Variants in DDX10 observed in about 807,000 individuals in gnomAD.
DDX10 encodes the protein DEAD-box helicase 10, also known as probable ATP-dependent RNA helicase DDX10.
DDX10 carries 74 observed loss-of-function variants against 104.3 expected under a neutral mutation model. That is an observed-to-expected ratio of 0.71 (90% confidence interval 0.59 to 0.86). The LOEUF is 0.86. DDX10 is among the 40% of genes least tolerant of loss of function. DDX10 has a pLI of 0.00. For synonymous variants in DDX10, 351 were observed against 353.4 expected (o/e 0.99, Z 0.08); for missense variants, 952 against 1,040.0 (o/e 0.92, Z 1.16).
chr11:108,868,054 G>T (rs913406035), intron 16 of DDX10, among the ~76,000 whole-genome samples: 1 of 151,958 alleles, frequency 6.6e-6, no homozygotes, highest in African/African-American at 2.4e-5. Context: ...ACTGAACCAG[G>T]TTCATTTTTC....
chr11:108,916,208 AT>A (rs1169744105), intron 16 of DDX10, among the ~76,000 whole-genome samples: 1 of 152,162 alleles, frequency 6.6e-6, no homozygotes, highest in Non-Finnish European at 1.5e-5. Flanking sequence ...CAGATAGTAC[AT>A]TCCTTTAAGG....
intron 16 of DDX10, among the ~76,000 whole-genome samples, chr11:108,877,696 A>G (rs542962972): frequency 1.3e-5 from 2 of 152,344 alleles, no homozygotes; most frequent in African/African-American, 4.8e-5. Context: ...AAACTTGTGG[A>G]TCTGAGTAGA....
chr11:108,879,658 A>C (rs1464596851), intron 16 of DDX10, among the ~76,000 whole-genome samples: 1 of 152,170 alleles, frequency 6.6e-6, no homozygotes, highest in Non-Finnish European at 1.5e-5. Flanking sequence ...TTATCAAGTT[A>C]CTTCAATAAG....
Position 108,850,698 on chromosome 11 carries a change from T to C in DDX10, c.2248-1455T>C, listed in dbSNP as rs559260078. On this transcript the variant is annotated intron_variant, in intron 15 of 17. Transcript: ENST00000322536. ...ATTGGCAACATTTGTCTAAAACATA[T>C]TGATACGGATACAAATACTATGTAC... Among the ~76,000 whole-genome samples the C allele has an allele frequency of 1.4e-4, 21 of 152,262 alleles. No homozygotes were observed. The South Asian group carries it at 4.1e-3, about 30-fold the overall frequency.
intron 13 of DDX10, among the ~76,000 whole-genome samples, chr11:108,797,488 C>T (rs1045964493): frequency 2.6e-5 from 4 of 152,102 alleles, no homozygotes; most frequent in African/African-American, 7.2e-5. Context: ...GGAATCCACA[C>T]TAAGATATAA....
At chr11:108,760,605 G>T (rs1427825393) in intron 13 of DDX10, among the ~76,000 whole-genome samples, 1 of 149,794 alleles carries the variant, frequency 6.7e-6, no homozygotes, top group African/African-American at 2.5e-5. Context: ...AATGAAATAT[G>T]TTTTTATTTG....
At position 108,805,776 on chromosome 11, in the gene DDX10, A is replaced by T. The variant is rs142553445; in HGVS notation, c.1966-32670A>T. 8.5e-3 allele frequency among the ~76,000 whole-genome samples: 1,295 copies of T among 152,246 alleles called. 20 individuals are homozygous for T. The highest frequency in any genetic ancestry group is 0.029 in the African/African-American group (1,184 of 41,522). On this transcript the variant is annotated intron_variant, in intron 13 of 17. Coordinates refer to ENST00000322536, the MANE Select transcript of DDX10 (RefSeq NM_004398.4). ...TTGATGTCAGTATGAACAACAATTGATAGATGCTTTAATTTTAAAGATTTC... is the reference window on the plus strand; with the variant it reads ...TTGATGTCAGTATGAACAACAATTGTTAGATGCTTTAATTTTAAAGATTTC...
intron 11 of DDX10, among the ~76,000 whole-genome samples, chr11:108,717,177 A>G (rs751012690): frequency 2.6e-5 from 4 of 152,172 alleles, no homozygotes; most frequent in Admixed American, 2.0e-4. Context: ...ATGAGGTGGG[A>G]GGAAGAATAT....
At chr11:108,757,322 G>A (rs556678680) in intron 13 of DDX10, among the ~76,000 whole-genome samples, 145 of 152,146 alleles carry the variant, frequency 9.5e-4, no homozygotes, top group South Asian at 1.9e-3. Flanking sequence ...TGTAACATAA[G>A]CTACACCTGT....
At chr11:108,763,312 A>G (rs2094352895) in intron 13 of DDX10, among the ~76,000 whole-genome samples, 1 of 152,188 alleles carries the variant, frequency 6.6e-6, no homozygotes, top group Non-Finnish European at 1.5e-5. Flanking sequence ...CCTGAAGGTC[A>G]TCCTCACTTG....
At chr11:108,695,540 C>A (rs1251418438) in intron 9 of DDX10, among the ~76,000 whole-genome samples, 1 of 152,078 alleles carries the variant, frequency 6.6e-6, no homozygotes, top group Non-Finnish European at 1.5e-5. Flanking sequence ...CCCTTGCTTA[C>A]CTAGGAAGTC....
chr11:108,694,764 T>A, intron 9 of DDX10, among the ~76,000 whole-genome samples: 1 of 152,034 alleles, frequency 6.6e-6, no homozygotes, highest in East Asian at 1.9e-4. Context: ...GCCTGTAGTC[T>A]CAGCTCCTTG....
rs1207807068 is a variant in DDX10, at chr11:108,723,405, G to A, written c.1908G>A (p.Leu636=). ...RDEEEEDADF[L]KVKRHNVFGL... is the part of the protein sequence containing the mutation. ...AGGAGGAAGAAGATGCTGATTTCTTGAAGGTGAAGCGGCATAATGTGTTTG... is the reference window on the plus strand; with the variant it reads ...AGGAGGAAGAAGATGCTGATTTCTTAAAGGTGAAGCGGCATAATGTGTTTG... Residue 636 remains leucine (L), a synonymous_variant, in exon 13 of 18, where the codon TTG becomes TTA. Coordinates refer to ENST00000322536, the MANE Select transcript of DDX10 (RefSeq NM_004398.4). 1.2e-6 allele frequency: 2 copies of A among 1,613,774 alleles called. No homozygotes were observed. Among genetic ancestry groups the A allele is most frequent in the Non-Finnish European group, 1.7e-6 (2 of 1,179,866 alleles).
chr11:108,776,885 A>G (rs2094370631), intron 13 of DDX10, among the ~76,000 whole-genome samples: 1 of 152,224 alleles, frequency 6.6e-6, no homozygotes, highest in Non-Finnish European at 1.5e-5. Context: ...TTTGCCAACA[A>G]CCTGAATGAG....
In DDX10 at chr11:108,723,184, G is replaced by A. The variant is rs754325639; in HGVS notation, c.1687G>A (p.Gly563Arg). The A allele has an allele frequency of 1.2e-6, 2 of 1,613,710 alleles. No individual in the cohort carries two copies. The highest frequency in any genetic ancestry group is 8.5e-7 in the Non-Finnish European group (1 of 1,179,864). The change falls in exon 13 of 18, where the codon GGA (glycine) becomes AGA (arginine). Residue 563 changes from glycine to arginine, a missense_variant. By Grantham distance (125) the Gly-to-Arg change is moderately radical. Around this residue, in one of 3 missense-constraint regions of DDX10, gnomAD observed 533 missense variants for 534.1 expected, o/e 1.00. Coordinates refer to ENST00000322536, the MANE Select transcript of DDX10 (RefSeq NM_004398.4). ...NEKMSILQKG[G>R]KRLEGTEHRQ... ...GAAAATGTCCATCCTTCAAAAAGGT[G>A]GAAAAAGACTCGAAGGGACAGAGCA... is the stretch of plus-strand genomic sequence containing the variant.
chr11:108,885,672 G>A (rs188377052), intron 16 of DDX10, among the ~76,000 whole-genome samples: 1 of 152,114 alleles, frequency 6.6e-6, no homozygotes, highest in Non-Finnish European at 1.5e-5. Flanking sequence ...ACTGCGTCCG[G>A]CCCATTTTCA....
chr11:108,736,751 A>T (rs2094318934), intron 13 of DDX10, among the ~76,000 whole-genome samples: 1 of 152,158 alleles, frequency 6.6e-6, no homozygotes, highest in African/African-American at 2.4e-5. Context: ...CTCATACCAG[A>T]TGTCAAATGC....
At chr11:108,821,875 A>G (rs1862329805) in intron 13 of DDX10, among the ~76,000 whole-genome samples, 1 of 152,218 alleles carries the variant, frequency 6.6e-6, no homozygotes, top group Non-Finnish European at 1.5e-5. Context: ...TAAAGTAGAC[A>G]TTGCCACCTT....
intron 15 of DDX10, among the ~76,000 whole-genome samples, chr11:108,851,052 A>G (rs1160800158): frequency 6.6e-6 from 1 of 152,224 alleles, no homozygotes; most frequent in East Asian, 1.9e-4. Context: ...GCTAATGGAC[A>G]AAGAAATTTT....
Sources: allele counts gnomAD v4.1 joint callset (sites outside exome capture counted in the v4.1 genomes callset), GRCh38; gene constraint gnomAD v4.1.1; regional missense constraint gnomAD v4.1.1; transcripts MANE v1.5; gene names NCBI Gene and HGNC (gene_info 2026-07-23, HGNC 2026-07-21).